The following NIPA1 variants were observed in gnomAD, a reference collection of about 807,000 sequenced individuals.
NIPA1 encodes NIPA magnesium transporter 1, also known as magnesium transporter NIPA1.
NIPA1 carries 13 observed loss-of-function variants against 23.9 expected under a neutral mutation model. The observed-to-expected ratio is 0.54, with a 90% CI of 0.35 to 0.87. NIPA1 has a LOEUF of 0.87. Among genes scored for constraint, NIPA1 ranks in the 40% least tolerant of loss-of-function variants. NIPA1 has a pLI of 0.01. For synonymous variants in NIPA1, 234 were observed against 202.9 expected (o/e 1.15, Z -1.30); for missense variants, 362 against 429.7 (o/e 0.84, Z 1.39).
In NIPA1 at chr15:22,789,204, G is replaced by T. The variant is rs373992219; in HGVS notation, c.178+2370G>T. Among the ~76,000 whole-genome samples the T allele has an allele frequency of 4.7e-4, 71 of 152,012 alleles. 1 individual carries two copies. In the South Asian group the frequency reaches 0.014, roughly 31 times the overall value. ...GGGTTTCATCATGTTGGCCAGGATG[G>T]TCCCGAACTCCAGACCTCAGGTGAT... On this transcript the variant is annotated intron_variant, in intron 1 of 4. Transcript: ENST00000337435.
chr15:22,786,593 C>G (rs1894703274), upstream of NIPA1: 2 of 638,224 alleles, frequency 3.1e-6, no homozygotes, highest in South Asian at 1.3e-4. Context: ...CTCCCGGTCA[C>G]CCCCCATCCC....
rs191475662 is a variant in NIPA1 at position 22,807,050 on chromosome 15, C to T, written c.179-3699C>T. On this transcript the variant is annotated intron_variant, in intron 1 of 4. Transcript: ENST00000337435. Reference sequence around the variant, plus strand: ...GTTTAAAAGGTGAGGGTGACCTATACACCTTTTGATTTGTGCAAATCCAGG... The same window carrying T: ...GTTTAAAAGGTGAGGGTGACCTATATACCTTTTGATTTGTGCAAATCCAGG... Among the ~76,000 whole-genome samples the T allele has an allele frequency of 1.2e-4, 18 of 152,278 alleles. No homozygotes were observed. The East Asian group carries it at 3.5e-3, about 29-fold the overall frequency.
At chr15:22,815,738 A>C (rs1895402258) in intron 3 of NIPA1, among the ~76,000 whole-genome samples, 1 of 152,232 alleles carries the variant, frequency 6.6e-6, no homozygotes, top group Non-Finnish European at 1.5e-5. Context: ...TGGATCCAGC[A>C]ATATATAAAA....
chr15:22,794,111 T>C (rs142997423), intron 1 of NIPA1, among the ~76,000 whole-genome samples: 2 of 152,164 alleles, frequency 1.3e-5, no homozygotes, highest in African/African-American at 4.8e-5. Context: ...TGCTGTTATA[T>C]TGACAGGGAT....
chr15:22,796,171 C>T (rs1471124006), intron 1 of NIPA1, among the ~76,000 whole-genome samples: 2 of 152,006 alleles, frequency 1.3e-5, no homozygotes, highest in African/African-American at 4.8e-5. Context: ...GGTCCTCCAC[C>T]TCAGCCTCCC....
At chr15:22,813,745 A>T (rs1384361368) in intron 3 of NIPA1, 2 of 451,904 alleles carry the variant, frequency 4.4e-6, no homozygotes, top group Admixed American at 4.8e-5. Flanking sequence ...TGTTTTTCAC[A>T]TGCGACGCCT....
intron 1 of NIPA1, among the ~76,000 whole-genome samples, chr15:22,794,858 G>A (rs1894909100): frequency 6.6e-6 from 1 of 152,074 alleles, no homozygotes; most frequent in African/African-American, 2.4e-5. Flanking sequence ...GTGTCTCCCT[G>A]GTGCATGTCC....
At position 22,812,254 on chromosome 15, in the gene NIPA1, G is replaced by T. The variant is rs187603539; in HGVS notation, c.317+1G>T. On this transcript the variant is annotated splice_donor_variant, in intron 3 of 4. Transcript: ENST00000337435. LOFTEE classifies it high-confidence loss of function. ...TGGGCGCCCTTGGAGTACCGTTCGG[G>T]TGAGAGCCAAGATTGTGTTTGGTAT... The T allele has an allele frequency of 6.2e-7, 1 of 1,603,812 alleles. No homozygotes were observed. Among genetic ancestry groups the T allele is most frequent in the Admixed American group, 1.7e-5 (1 of 59,986 alleles).
At chr15:22,794,673 C>G (rs1023440102) in intron 1 of NIPA1, among the ~76,000 whole-genome samples, 11 of 152,082 alleles carry the variant, frequency 7.2e-5, no homozygotes, top group Non-Finnish European at 1.2e-4. Flanking sequence ...AGTCCCCAAG[C>G]CTTCCACACT....
At position 22,824,400 on chromosome 15, in the gene NIPA1, G is replaced by A; in HGVS notation, c.*161G>A. On this transcript the variant is annotated 3_prime_UTR_variant, in exon 5 of 5. Coordinates refer to ENST00000337435, the MANE Select transcript of NIPA1 (RefSeq NM_144599.5). The surrounding 1 kb of genome is among the most constrained non-coding windows in gnomAD (Gnocchi z 4.1). The stretch of plus-strand genomic sequence containing the variant: ...GCGGGGAGCATGGCTCAGCACCAGA[G>A]CAGAGGCCCAGCCAGCCCTCTGCAG... The A allele has an allele frequency of 1.4e-6, 1 of 712,096 alleles. No homozygotes were observed. Among genetic ancestry groups the A allele is most frequent in the South Asian group, 1.6e-5 (1 of 61,304 alleles). The allele number at this position is 712,096 out of a possible 1,614,324, so 44.1% of individuals were successfully genotyped here. A position where few individuals can be genotyped will look rare whatever the true frequency, so the allele number is the denominator to read the frequency against.
chr15:22,796,548 C>T (rs908517119), intron 1 of NIPA1, among the ~76,000 whole-genome samples: 4 of 152,014 alleles, frequency 2.6e-5, no homozygotes, highest in Non-Finnish European at 5.9e-5. Context: ...AAGTGATCCT[C>T]CCATCTTAGC....
At chr15:22,788,307 CTG>C (rs773064345) in intron 1 of NIPA1, among the ~76,000 whole-genome samples, 13,189 of 151,808 alleles carry the variant, frequency 0.087, 1,349 homozygotes, top group African/African-American at 0.25. Flanking sequence ...CTAGACCATC[CTG>C]GCTAACACGA....
chr15:22,817,051 G>A (rs1449288621), intron 3 of NIPA1, among the ~76,000 whole-genome samples: 1 of 151,502 alleles, frequency 6.6e-6, no homozygotes, highest in South Asian at 2.1e-4. Flanking sequence ...GCCAGGTGTG[G>A]TGGCACATGC....
In NIPA1 at chr15:22,812,159, A is replaced by C; in HGVS notation, c.227-4A>C. On this transcript the variant is annotated splice_region_variant and splice_polypyrimidine_tract_variant and intron_variant, in intron 2 of 4. Coordinates refer to ENST00000337435, the MANE Select transcript of NIPA1 (RefSeq NM_144599.5). ...AAGTAGTATCCTTGTGATTTTCTTG[A>C]CAGTGGCTGTTGGCCAGATTGGAAA... The C allele has an allele frequency of 6.2e-7, 1 of 1,609,920 alleles. No individual in the cohort carries two copies. The highest frequency in any genetic ancestry group is 8.5e-7 in the Non-Finnish European group (1 of 1,176,758).
At chr15:22,806,080 C>A (rs567382169) in intron 1 of NIPA1, among the ~76,000 whole-genome samples, 1 of 152,112 alleles carries the variant, frequency 6.6e-6, no homozygotes, top group African/African-American at 2.4e-5. Context: ...CCCGCCACCA[C>A]GCCCAGCTAA....
At position 22,798,137 on chromosome 15, in the gene NIPA1, G is replaced by A. The variant is rs1256773037; in HGVS notation, c.178+11303G>A. Among the ~76,000 whole-genome samples the A allele has an allele frequency of 2.0e-5, 3 of 151,890 alleles. No homozygotes were observed. The East Asian group carries it at 5.8e-4, about 30-fold the overall frequency. ...GCCGGGATTACAGGCGTGAGCCACC[G>A]CGCCCGGCCTCAAAACTGATTCTTA... On this transcript the variant is annotated intron_variant, in intron 1 of 4. Transcript: ENST00000337435.
chr15:22,787,303 C>T lies in NIPA1; in HGVS notation c.178+469C>T, dbSNP rs1403117282. Among the ~76,000 whole-genome samples the T allele has an allele frequency of 1.3e-5, 2 of 152,164 alleles. 1 individual carries two copies. Among genetic ancestry groups the T allele is most frequent in the Admixed American group, 1.3e-4 (2 of 15,288 alleles). ...CGCTTCAGCCGATGCGCGGCCCGCT[C>T]CTAGGGTACGCTCGGTAGAGCAAGA... On this transcript the variant is annotated intron_variant, in intron 1 of 4. Coordinates refer to ENST00000337435, the MANE Select transcript of NIPA1 (RefSeq NM_144599.5).
chr15:22,791,836 A>C (rs1370634013), intron 1 of NIPA1, among the ~76,000 whole-genome samples: 1 of 152,124 alleles, frequency 6.6e-6, no homozygotes. Flanking sequence ...TAGTCCAGGG[A>C]GCGTCGTCTA....
rs542875851 is a variant in NIPA1 at position 22,817,783 on chromosome 15, T to C, written c.318-2530T>C. Reference sequence around the variant, plus strand: ...TCGTGCCACTGCACTTCAGCCTGAGTGACAGAGCGAGACTGTGTCTCAAAG... The same window carrying C: ...TCGTGCCACTGCACTTCAGCCTGAGCGACAGAGCGAGACTGTGTCTCAAAG... On this transcript the variant is annotated intron_variant, in intron 3 of 4. Transcript: ENST00000337435. Among the ~76,000 whole-genome samples, 86 of 149,420 alleles carry C rather than the reference T, an allele frequency of 5.8e-4. No homozygotes were observed. The South Asian group carries it at 0.014, about 25-fold the overall frequency.
Sources: gnomAD v4.1 joint callset for allele counts (sites outside exome capture counted in the v4.1 genomes callset) on GRCh38, gnomAD v4.1.1 for gene constraint, Gnocchi (gnomAD v3.1) non-coding constraint, MANE v1.5 for transcripts, NCBI Gene and HGNC (gene_info 2026-07-23, HGNC 2026-07-21) for gene names.